OSBPL10: variants seen among roughly 807,000 people sequenced by gnomAD.
OSBPL10 encodes the protein oxysterol-binding protein-related protein 10.
A neutral mutation model predicts 81.7 loss-of-function variants in OSBPL10; 49 were observed. That is an observed-to-expected ratio of 0.60 (90% CI 0.48 to 0.76). The LOEUF (loss-of-function observed/expected upper bound fraction) is 0.76, where lower values mean the gene tolerates loss of function less well. Among genes scored for constraint, OSBPL10 ranks in the 30% least tolerant of loss-of-function variants. OSBPL10 has a pLI of 0.00. For synonymous variants in OSBPL10, 419 were observed against 383.6 expected, an observed-to-expected ratio of 1.09 and a Z score of -1.08; for missense variants, 923 against 987.8, an observed-to-expected ratio of 0.93 and a Z score of 0.88.
chr3:31,757,787 G>T (rs1407423980), intron 4 of OSBPL10, among the ~76,000 whole-genome samples: 1 of 152,152 alleles, frequency 6.6e-6, no homozygotes, highest in Non-Finnish European at 1.5e-5. Flanking sequence ...AAGATTTTCA[G>T]AATTGTGTAA....
chr3:31,852,727 C>T (rs907154679), intron 3 of OSBPL10, among the ~76,000 whole-genome samples: 2 of 151,966 alleles, frequency 1.3e-5, no homozygotes, highest in East Asian at 3.9e-4. Flanking sequence ...TACAGGCACA[C>T]GCCACCATGC....
At chr3:31,767,399 T>C (rs1698233551) in intron 4 of OSBPL10, among the ~76,000 whole-genome samples, 1 of 152,184 alleles carries the variant, frequency 6.6e-6, no homozygotes, top group African/African-American at 2.4e-5. Context: ...TTGTATCTTG[T>C]CCCTGCCTCC....
intron 9 of OSBPL10, among the ~76,000 whole-genome samples, chr3:31,670,306 A>G (rs982683448): frequency 6.6e-6 from 1 of 152,268 alleles, no homozygotes; most frequent in African/African-American, 2.4e-5. Flanking sequence ...AATAAAAACA[A>G]TTTTGTGCTT....
chr3:31,847,104 C>T lies in OSBPL10; in HGVS notation c.538-16873G>A, dbSNP rs575719494. On this transcript the variant is annotated intron_variant, in intron 3 of 11. Transcript: ENST00000396556. ...TCAAGGATCCCCCAACCCAATGTCT[C>T]ATTCTCCCCTTTCTCATTACATCAT... is the stretch of plus-strand genomic sequence containing the variant. Among the ~76,000 whole-genome samples the T allele has an allele frequency of 6.1e-4, 93 of 152,166 alleles. 1 individual carries two copies. Among genetic ancestry groups the T allele is most frequent in the African/African-American group, 2.2e-3 (92 of 41,532 alleles).
At chr3:31,802,992 A>AC (rs1699426029) in intron 4 of OSBPL10, among the ~76,000 whole-genome samples, 2 of 109,896 alleles carry the variant, frequency 1.8e-5, no homozygotes, top group South Asian at 5.8e-4. Flanking sequence ...TTTTTTTTTT[A>AC]CAGCATCTAA....
intron 1 of OSBPL10, among the ~76,000 whole-genome samples, chr3:31,972,655 C>T (rs571009337): frequency 6.6e-6 from 1 of 152,284 alleles, no homozygotes; most frequent in South Asian, 2.1e-4. Context: ...AAAAAACGTC[C>T]AATCCCACCC....
chr3:32,069,995 C>T (rs1463824471), intron 1 of OSBPL10, among the ~76,000 whole-genome samples: 1 of 152,240 alleles, frequency 6.6e-6, no homozygotes, highest in Non-Finnish European at 1.5e-5. Flanking sequence ...ATCGCCGCTG[C>T]TTCTAAAGCC....
intron 4 of OSBPL10, among the ~76,000 whole-genome samples, chr3:31,785,542 G>A (rs1475131623): frequency 6.6e-6 from 1 of 152,094 alleles, no homozygotes. Context: ...CAAGCACAAC[G>A]CAATGGAAGG....
At chr3:31,812,806 GAAAGAAAGAAAGAGAA>G (rs1559476504) in intron 4 of OSBPL10, among the ~76,000 whole-genome samples, 19 of 51,652 alleles carry the variant, frequency 3.7e-4, no homozygotes, top group Non-Finnish European at 4.4e-4. Flanking sequence ...AAGAAAGAAA[GAAAGAAAGAAAGAGAA>G]AGAAAGAAAG....
At chr3:31,900,521 C>A (rs1428617312) in intron 1 of OSBPL10, among the ~76,000 whole-genome samples, 2 of 152,230 alleles carry the variant, frequency 1.3e-5, no homozygotes, top group Non-Finnish European at 2.9e-5. Context: ...GACCTCTCTT[C>A]ACATTTCTCC....
At chr3:31,962,127 T>C (rs1169010143) in intron 1 of OSBPL10, among the ~76,000 whole-genome samples, 4 of 152,056 alleles carry the variant, frequency 2.6e-5, no homozygotes, top group African/African-American at 9.7e-5. Flanking sequence ...GCTAATTTTT[T>C]TGTATTTTTA....
intron 1 of OSBPL10, among the ~76,000 whole-genome samples, chr3:31,947,675 A>G (rs547764961): frequency 4.6e-4 from 70 of 152,290 alleles, no homozygotes; most frequent in African/African-American, 1.7e-3. Flanking sequence ...AACCTAACAG[A>G]TCACGGAAGA....
intron 1 of OSBPL10, among the ~76,000 whole-genome samples, chr3:31,952,166 T>C (rs1697888196): frequency 6.6e-6 from 1 of 151,692 alleles, no homozygotes; most frequent in South Asian, 2.1e-4. Context: ...TTGTTTTATT[T>C]TGCAAATGCA....
intron 1 of OSBPL10, among the ~76,000 whole-genome samples, chr3:31,918,008 A>T (rs1374265532): frequency 6.6e-6 from 1 of 152,150 alleles, no homozygotes; most frequent in East Asian, 1.9e-4. Context: ...CATTTTTGAC[A>T]TGAAAATTAC....
At position 31,862,452 on chromosome 3, in the gene OSBPL10, A is replaced by G. The variant is rs144299576; in HGVS notation, c.537+13981T>C. Among the ~76,000 whole-genome samples the G allele has an allele frequency of 5.1e-3, 776 of 152,334 alleles. 5 individuals are homozygous for G. Among genetic ancestry groups the G allele is most frequent in the African/African-American group, 0.018 (737 of 41,580 alleles). ...TGCGTTCCACCCTAGAACTTTAACT[A>G]TCATGAACAAATGCAACAGTAAAAT... On this transcript the variant is annotated intron_variant, in intron 3 of 11. Transcript: ENST00000396556.
At chr3:31,771,184 T>C (rs931236600) in intron 4 of OSBPL10, among the ~76,000 whole-genome samples, 2 of 152,104 alleles carry the variant, frequency 1.3e-5, no homozygotes, top group Admixed American at 1.3e-4. Context: ...GTTATTACCC[T>C]GAAGGTTAAA....
At chr3:31,937,855 T>C (rs72852939) in intron 1 of OSBPL10, among the ~76,000 whole-genome samples, 9,702 of 152,180 alleles carry the variant, frequency 0.064, 637 homozygotes, top group African/African-American at 0.16. Flanking sequence ...TTCTATCTCA[T>C]TCGCTGAAGA....
chr3:31,907,845 T>G (rs1696456331), intron 1 of OSBPL10, among the ~76,000 whole-genome samples: 3 of 152,106 alleles, frequency 2.0e-5, no homozygotes, highest in African/African-American at 7.2e-5. Context: ...TTCCTGCCCT[T>G]GTGGAACTGA....
At chr3:31,749,230 G>A (rs1697634402) in intron 4 of OSBPL10, among the ~76,000 whole-genome samples, 1 of 152,144 alleles carries the variant, frequency 6.6e-6, no homozygotes, top group East Asian at 1.9e-4. Context: ...TGCCAGACTT[G>A]GACACAAAGC....
Sources: gnomAD v4.1 joint callset for allele counts (sites outside exome capture counted in the v4.1 genomes callset) on GRCh38, gnomAD v4.1.1 for gene constraint, MANE v1.5 for transcripts, NCBI Gene and HGNC (gene_info 2026-07-23, HGNC 2026-07-21) for gene names.